The following CCDC91 variants were observed in gnomAD, a reference collection of about 807,000 sequenced individuals.
The protein encoded by CCDC91 is coiled-coil domain-containing protein 91.
In CCDC91, 48 loss-of-function variants were observed where a neutral mutation model predicts 63.2. The ratio of observed to expected loss-of-function variants is 0.76; its 90% CI spans 0.60 to 0.97. The LOEUF (loss-of-function observed/expected upper bound fraction) is 0.97. CCDC91 is among the 50% of genes least tolerant of loss of function. The pLI is 0.00. For synonymous variants in CCDC91, 167 were observed against 165.8 expected (o/e 1.01, Z -0.06); for missense variants, 500 against 494.6 (o/e 1.01, Z -0.10).
chr12:28,343,292 A>G (rs1942575128), intron 6 of CCDC91, among the ~76,000 whole-genome samples: 1 of 152,040 alleles, frequency 6.6e-6, no homozygotes, highest in African/African-American at 2.4e-5. Flanking sequence ...AATGTAATAT[A>G]TACACATATG....
At chr12:28,394,732 C>CTCTCTCTCTCTCT (rs371886485) in intron 8 of CCDC91, among the ~76,000 whole-genome samples, 31 of 151,516 alleles carry the variant, frequency 2.0e-4, no homozygotes, top group South Asian at 4.2e-4. Context: ...CTCTCTCTCT[C>CTCTCTCTCTCTCT]CCCCTTTTTC....
intron 12 of CCDC91, among the ~76,000 whole-genome samples, chr12:28,528,429 G>A (rs565986002): frequency 6.6e-6 from 1 of 152,326 alleles, no homozygotes; most frequent in African/African-American, 2.4e-5. Flanking sequence ...TTCTGGGGCA[G>A]ACGATCTCCC....
intron 6 of CCDC91, among the ~76,000 whole-genome samples, chr12:28,316,901 C>T (rs1939949243): frequency 6.6e-6 from 1 of 151,764 alleles, no homozygotes; most frequent in South Asian, 2.1e-4. Flanking sequence ...GCAATTTGTC[C>T]TCAGTGTCGG....
chr12:28,371,107 T>C (rs911184898), intron 7 of CCDC91, among the ~76,000 whole-genome samples: 1 of 152,160 alleles, frequency 6.6e-6, no homozygotes, highest in African/African-American at 2.4e-5. Flanking sequence ...TTTTTTCTGA[T>C]ATTTAATGTA....
chr12:28,471,873 C>T (rs1950835976), intron 11 of CCDC91, among the ~76,000 whole-genome samples: 1 of 151,920 alleles, frequency 6.6e-6, no homozygotes, highest in Non-Finnish European at 1.5e-5. Context: ...CCTCAGCCTC[C>T]CTGAGTAGCT....
At chr12:28,512,888 A>T (rs1253093293) in intron 12 of CCDC91, among the ~76,000 whole-genome samples, 1 of 151,950 alleles carries the variant, frequency 6.6e-6, no homozygotes, top group African/African-American at 2.4e-5. Flanking sequence ...CTGATTAGTT[A>T]AGTATGTCAA....
At chr12:28,446,272 A>G (rs541228744) in intron 8 of CCDC91, among the ~76,000 whole-genome samples, 1 of 152,342 alleles carries the variant, frequency 6.6e-6, no homozygotes, top group East Asian at 1.9e-4. Context: ...ATGAAAAATC[A>G]GTTCAATATC....
At chr12:28,294,566 G>A (rs895008346) in intron 3 of CCDC91, among the ~76,000 whole-genome samples, 2 of 151,880 alleles carry the variant, frequency 1.3e-5, no homozygotes, top group Non-Finnish European at 2.9e-5. Context: ...ATGTGGAACA[G>A]TGAGTCAGTT....
chr12:28,422,455 T>C lies in CCDC91; in HGVS notation c.763-27706T>C, dbSNP rs902401233. On this transcript the variant is annotated intron_variant, in intron 8 of 12. Transcript: ENST00000536442. ...ACTAATTTTATTACTTTTGGTGTTA[T>C]TATTCTAATCCATTCTAAGCATACC... Among the ~76,000 whole-genome samples, 5 of 152,262 alleles carry C rather than the reference T, an allele frequency of 3.3e-5. No individual in the cohort carries two copies. In the Middle Eastern group the frequency reaches 0.014, roughly 414 times the overall value.
intron 11 of CCDC91, among the ~76,000 whole-genome samples, chr12:28,459,781 C>G (rs11049628): frequency 6.6e-6 from 1 of 152,008 alleles, no homozygotes; most frequent in Admixed American, 6.6e-5. Flanking sequence ...TACACTCTCT[C>G]TCACTGGTCA....
At chr12:28,431,167 C>A (rs531919840) in intron 8 of CCDC91, among the ~76,000 whole-genome samples, 38 of 152,184 alleles carry the variant, frequency 2.5e-4, no homozygotes, top group African/African-American at 9.1e-4. Flanking sequence ...GGGTGAGTTT[C>A]CATAAATGTT....
At chr12:28,331,858 A>G (rs1454313627) in intron 6 of CCDC91, among the ~76,000 whole-genome samples, 1 of 152,170 alleles carries the variant, frequency 6.6e-6, no homozygotes, top group Non-Finnish European at 1.5e-5. Context: ...ACGTAAAAAT[A>G]TATAAGAAAT....
intron 3 of CCDC91, among the ~76,000 whole-genome samples, chr12:28,274,141 G>A (rs1285360968): frequency 5.9e-5 from 9 of 151,946 alleles, no homozygotes; most frequent in African/African-American, 7.3e-5. Flanking sequence ...GTCAAAGATC[G>A]GATAGTTGTA....
intron 8 of CCDC91, among the ~76,000 whole-genome samples, chr12:28,448,081 G>A (rs1393088655): frequency 6.6e-6 from 1 of 151,994 alleles, no homozygotes; most frequent in Non-Finnish European, 1.5e-5. Flanking sequence ...GTAATAATGA[G>A]GTATAATGTA....
chr12:28,518,705 T>C (rs1287586909), intron 12 of CCDC91, among the ~76,000 whole-genome samples: 3 of 152,054 alleles, frequency 2.0e-5, no homozygotes. Context: ...GTTTTTGGGT[T>C]CTTGGTCATG....
intron 8 of CCDC91, among the ~76,000 whole-genome samples, chr12:28,424,641 T>G (rs547413229): frequency 4.5e-4 from 68 of 152,192 alleles, no homozygotes; most frequent in Non-Finnish European, 7.9e-4. Flanking sequence ...TTGAGGGATG[T>G]GTCATATTAA....
At chr12:28,503,274 G>A (rs1475589372) in intron 12 of CCDC91, among the ~76,000 whole-genome samples, 1 of 152,152 alleles carries the variant, frequency 6.6e-6, no homozygotes, top group Non-Finnish European at 1.5e-5. Context: ...AGTGGGCGAA[G>A]GACATGAACA....
At chr12:28,211,101 AT>A (rs1943203796) in intron 1 of CCDC91, among the ~76,000 whole-genome samples, 1 of 148,976 alleles carries the variant, frequency 6.7e-6, no homozygotes, top group African/African-American at 2.5e-5. Context: ...AGCACACTAG[AT>A]TCACTACAGC....
chr12:28,437,314 C>T (rs1386579481), intron 8 of CCDC91, among the ~76,000 whole-genome samples: 4 of 151,930 alleles, frequency 2.6e-5, no homozygotes, highest in African/African-American at 9.7e-5. Context: ...TTGTACCATA[C>T]TCCCTTGTTG....
Sources: allele counts gnomAD v4.1 joint callset (sites outside exome capture counted in the v4.1 genomes callset), GRCh38; gene constraint gnomAD v4.1.1; transcripts MANE v1.5; gene names NCBI Gene and HGNC (gene_info 2026-07-23, HGNC 2026-07-21).